Variants in UQCC1 observed in about 807,000 individuals in gnomAD.
UQCC1 encodes bFGF-repressed Zic-binding protein.
In UQCC1, 38 loss-of-function variants were observed where a neutral mutation model predicts 48.0. The ratio of observed to expected loss-of-function variants is 0.79; its 90% CI spans 0.61 to 1.04. The LOEUF (loss-of-function observed/expected upper bound fraction) is 1.04, where lower values mean the gene tolerates loss of function less well. UQCC1 is among the 50% of genes least tolerant of loss of function. UQCC1 has a pLI of 0.00. For missense variants in UQCC1, 368 were observed against 381.8 expected, an observed-to-expected ratio of 0.96 and a Z score of 0.30; for synonymous variants, 111 against 129.2, an observed-to-expected ratio of 0.86 and a Z score of 0.95.
chr20:35,381,342 T>C (rs1408351037), intron 4 of UQCC1, among the ~76,000 whole-genome samples: 1 of 152,100 alleles, frequency 6.6e-6, no homozygotes, highest in Non-Finnish European at 1.5e-5. Context: ...ATCAGAACAT[T>C]TGGCCCATCT....
At chr20:35,404,392 T>G in intron 1 of UQCC1, among the ~76,000 whole-genome samples, 2 of 134,312 alleles carry the variant, frequency 1.5e-5, no homozygotes, top group Non-Finnish European at 1.6e-5. Flanking sequence ...AAAACAAAAT[T>G]AGCCGGGCAT....
At chr20:35,358,997 CAAAGT>C (rs773468166) in intron 6 of UQCC1, among the ~76,000 whole-genome samples, 1 of 151,866 alleles carries the variant, frequency 6.6e-6, no homozygotes, top group Non-Finnish European at 1.5e-5. Context: ...ACGCAGCTAG[CAAAGT>C]AAAGAAAAAA....
At chr20:35,401,237 G>A (rs2062160027) in intron 1 of UQCC1, among the ~76,000 whole-genome samples, 1 of 152,126 alleles carries the variant, frequency 6.6e-6, no homozygotes, top group African/African-American at 2.4e-5. Context: ...ACAGCCAACA[G>A]CACTATAACT....
At chr20:35,373,238 G>T (rs6060386) in intron 5 of UQCC1, among the ~76,000 whole-genome samples, 9,721 of 152,206 alleles carry the variant, frequency 0.064, 431 homozygotes, top group South Asian at 0.22. Flanking sequence ...TTATCAATGA[G>T]ATATACATAA....
chr20:35,360,198 G>C (rs748946557), intron 6 of UQCC1, among the ~76,000 whole-genome samples: 1 of 152,202 alleles, frequency 6.6e-6, no homozygotes, highest in Non-Finnish European at 1.5e-5. Flanking sequence ...CTGCAACTCT[G>C]GCTGGGGGAG....
chr20:35,386,394 C>G (rs1224793416), intron 2 of UQCC1: 1 of 436,660 alleles, frequency 2.3e-6, no homozygotes, highest in Non-Finnish European at 4.5e-6. Context: ...TTAACCCTAA[C>G]GAAGAAAAAA....
chr20:35,366,005 A>AT (rs752755819), intron 6 of UQCC1, among the ~76,000 whole-genome samples: 3 of 152,320 alleles, frequency 2.0e-5, no homozygotes, highest in Middle Eastern at 3.4e-3. Flanking sequence ...ACTGTGTAAC[A>AT]TTAGATGAAA....
At chr20:35,307,126 C>G in intron 8 of UQCC1, 1 of 374,052 alleles carries the variant, frequency 2.7e-6, no homozygotes, top group East Asian at 6.4e-5. Context: ...AATGCTCCCC[C>G]TGCTGTCCAT....
chr20:35,395,375 A>G (rs2062062276), intron 1 of UQCC1, among the ~76,000 whole-genome samples: 1 of 151,820 alleles, frequency 6.6e-6, no homozygotes, highest in African/African-American at 2.4e-5. Context: ...TTATCTCAGC[A>G]CTTTTGAGAG....
At chr20:35,314,788 CAA>C (rs1461847230) in intron 7 of UQCC1, 23 bp from the exon 8 acceptor site, 2 of 1,566,758 alleles carry the variant, frequency 1.3e-6, no homozygotes, top group East Asian at 2.3e-5. Flanking sequence ...ATGGCAAAAA[CAA>C]AAGTTTGAAA....
chr20:35,385,133 C>A (rs1201293896), intron 2 of UQCC1, among the ~76,000 whole-genome samples: 2 of 152,090 alleles, frequency 1.3e-5, no homozygotes, highest in Non-Finnish European at 1.5e-5. Context: ...AGGTTTAAAA[C>A]CTGCTTCTGT....
At chr20:35,306,599 C>A in intron 9 of UQCC1, 67 bp downstream of exon 9, 1 of 1,220,030 alleles carries the variant, frequency 8.2e-7, no homozygotes, top group South Asian at 1.2e-5. Flanking sequence ...TCTCATGATC[C>A]CCTGAAAGCC....
In UQCC1 at chr20:35,321,273, TGTGTGTGTGTGCGCGCGC is replaced by T. The variant is rs1389216555; in HGVS notation, c.574-6526_574-6509del. Among the ~76,000 whole-genome samples the T allele has an allele frequency of 4.5e-3, 680 of 150,246 alleles. 5 individuals carry two copies. The highest frequency in any genetic ancestry group is 0.016 in the African/African-American group (656 of 39,802). ...AAAACTGTGTGTGTGTGTGTGTGTG[TGTGTGTGTGTGCGCGCGC>T]GCGCGCGCACGCTCAGGCACGCATG... On this transcript the variant is annotated intron_variant, in intron 7 of 9. Coordinates refer to ENST00000374385, the MANE Select transcript of UQCC1 (RefSeq NM_018244.5).
At chr20:35,394,021 T>C (rs2062044101) in intron 2 of UQCC1, 71 bp downstream of exon 2, 2 of 1,464,360 alleles carry the variant, frequency 1.4e-6, no homozygotes, top group Non-Finnish European at 1.9e-6. Context: ...GGTTGGCTAA[T>C]CTATAAATAC....
chr20:35,348,257 A>T (rs989487367), intron 6 of UQCC1, among the ~76,000 whole-genome samples: 1 of 152,176 alleles, frequency 6.6e-6, no homozygotes, highest in Non-Finnish European at 1.5e-5. Context: ...AATAATCAAG[A>T]CCTCACATAA....
Position 35,371,946 on chromosome 20 carries a change from T to C in UQCC1, c.406+2238A>G, listed in dbSNP as rs181209153. ...TGGGAGGGTTGCTTGAGCCCAGGAGTAAAAGGATGCAGTAAAAGGGCTAGA... is the reference window on the plus strand; with the variant it reads ...TGGGAGGGTTGCTTGAGCCCAGGAGCAAAAGGATGCAGTAAAAGGGCTAGA... On this transcript the variant is annotated intron_variant, in intron 5 of 9. Transcript: ENST00000374385. 2.0e-5 allele frequency among the ~76,000 whole-genome samples: 3 copies of C among 150,720 alleles called. No homozygotes were observed. The East Asian group carries it at 5.9e-4, about 30-fold the overall frequency.
intron 9 of UQCC1, among the ~76,000 whole-genome samples, chr20:35,306,173 T>C (rs998420358): frequency 6.6e-6 from 1 of 151,766 alleles, no homozygotes; most frequent in African/African-American, 2.4e-5. Flanking sequence ...GAAACTGAAG[T>C]GGGGGGACTC....
intron 1 of UQCC1, among the ~76,000 whole-genome samples, chr20:35,398,973 TACA>T (rs1005131045): frequency 6.6e-6 from 1 of 152,202 alleles, no homozygotes; most frequent in African/African-American, 2.4e-5. Flanking sequence ...TCGCCAATCC[TACA>T]ACAATTCTTG....
intron 7 of UQCC1, among the ~76,000 whole-genome samples, chr20:35,326,510 C>G (rs75118549): frequency 6.6e-6 from 1 of 152,184 alleles, no homozygotes; most frequent in Admixed American, 6.5e-5. Context: ...TAGTTTGAGC[C>G]CGGCAGGCGT....
Sources: gnomAD v4.1 joint callset for allele counts (sites outside exome capture counted in the v4.1 genomes callset) on GRCh38, gnomAD v4.1.1 for gene constraint, MANE v1.5 for transcripts, NCBI Gene and HGNC (gene_info 2026-07-23, HGNC 2026-07-21) for gene names.